Variants in BAZ1A observed in about 807,000 individuals in gnomAD.
The protein encoded by BAZ1A is bromodomain adjacent to zinc finger domain protein 1A.
A neutral mutation model predicts 185.2 loss-of-function variants in BAZ1A; 50 were observed. The ratio of observed to expected loss-of-function variants is 0.27; its 90% CI spans 0.22 to 0.34. The LOEUF (loss-of-function observed/expected upper bound fraction) is 0.34. Among genes scored for constraint, BAZ1A ranks in the 10% least tolerant of loss-of-function variants. The pLI is 1.00. For synonymous variants in BAZ1A, 571 were observed against 615.6 expected (o/e 0.93, Z 1.07); for missense variants, 1,356 against 1,839.9 (o/e 0.74, Z 4.81).
intron 4 of BAZ1A, among the ~76,000 whole-genome samples, chr14:34,824,305 T>A (rs1247538164): frequency 7.0e-6 from 1 of 143,848 alleles, no homozygotes; most frequent in Non-Finnish European, 1.5e-5. Flanking sequence ...GCCCAGAAGT[T>A]TGAAGCTGCA....
At chr14:34,758,880 C>T in intron 24 of BAZ1A, 34 bp from the exon 25 acceptor site, 2 of 1,605,034 alleles carry the variant, frequency 1.2e-6, no homozygotes, top group East Asian at 2.2e-5. Flanking sequence ...TAGGTGATAA[C>T]AAAGCAAAAT....
At chr14:34,816,850 G>A (rs761282831) in intron 4 of BAZ1A, 7 of 448,638 alleles carry the variant, frequency 1.6e-5, no homozygotes, top group Middle Eastern at 3.3e-4. Context: ...CTGTTAACAG[G>A]GGAAACCTGT....
chr14:34,843,788 C>T (rs577223276), intron 3 of BAZ1A, among the ~76,000 whole-genome samples: 6 of 152,314 alleles, frequency 3.9e-5, no homozygotes, highest in Admixed American at 6.5e-5. Flanking sequence ...GCATGCCATT[C>T]TCTGAGGTTT....
At chr14:34,804,755 C>A (rs1181766552) in intron 6 of BAZ1A, among the ~76,000 whole-genome samples, 1 of 152,178 alleles carries the variant, frequency 6.6e-6, no homozygotes, top group African/African-American at 2.4e-5. Context: ...TCAAATATCA[C>A]ACTCATAAAG....
chr14:34,766,545 T>A (rs1878853779), intron 21 of BAZ1A, among the ~76,000 whole-genome samples: 1 of 152,032 alleles, frequency 6.6e-6, no homozygotes, highest in East Asian at 1.9e-4. Flanking sequence ...CCCCTTCAAG[T>A]GTCAGAGTGG....
chr14:34,801,857 G>C (rs1032727911), intron 7 of BAZ1A, among the ~76,000 whole-genome samples: 1 of 148,200 alleles, frequency 6.7e-6, no homozygotes. Flanking sequence ...AGTGAGCCAA[G>C]ATCGTGCCAC....
intron 4 of BAZ1A, among the ~76,000 whole-genome samples, chr14:34,823,696 C>T (rs1167295357): frequency 6.6e-6 from 1 of 152,018 alleles, no homozygotes; most frequent in Non-Finnish European, 1.5e-5. Context: ...AAATGCTTAC[C>T]ATATTTAAAC....
rs1178382580 is a variant in BAZ1A, at chr14:34,826,144, C to A, written c.405G>T (p.Arg135Ser). 2.5e-6 allele frequency: 4 copies of A among 1,608,782 alleles called. No homozygotes were observed. The highest frequency in any genetic ancestry group is 3.4e-6 in the Non-Finnish European group (4 of 1,178,732). Reference sequence around the variant, plus strand: ...GTGATGGAGGGAGGACTTCCAAAATCCTACACTGCAACCTGAAATAAAATG... The same window carrying A: ...GTGATGGAGGGAGGACTTCCAAAATACTACACTGCAACCTGAAATAAAATG... ...IRNNGARLQC[R>S]ILEVLPPSHQ... The change falls in exon 4 of 27, where the codon AGG (arginine) becomes AGT (serine). Residue 135 changes from arginine (R) to serine (S), a missense_variant. Arg to Ser is a moderately radical substitution (Grantham distance 110, BLOSUM62 -1). This residue lies in a region of BAZ1A where 332 missense variants were observed against 395.3 expected (regional missense o/e 0.84). Coordinates refer to ENST00000360310, the MANE Select transcript of BAZ1A (RefSeq NM_013448.3).
chr14:34,817,729 C>G (rs982882241), intron 4 of BAZ1A, among the ~76,000 whole-genome samples: 1 of 152,134 alleles, frequency 6.6e-6, no homozygotes, highest in African/African-American at 2.4e-5. Flanking sequence ...GCCATAAGCA[C>G]ATGAAATGAT....
intron 15 of BAZ1A, 136 bp from the exon 16 acceptor site, chr14:34,783,368 C>CT (rs201307518): frequency 0.41 from 149,232 of 367,646 alleles, 21,525 homozygotes; most frequent in African/African-American, 0.51. Flanking sequence ...CATTCATAAG[C>CT]TTTTTTTTTT....
intron 4 of BAZ1A, among the ~76,000 whole-genome samples, chr14:34,824,959 A>C (rs975713639): frequency 1.3e-5 from 2 of 152,178 alleles, no homozygotes; most frequent in Non-Finnish European, 2.9e-5. Context: ...TGCTGAGCTA[A>C]AACATGTAAA....
chr14:34,762,352 G>A (rs570044580), intron 23 of BAZ1A, 129 bp from the exon 24 acceptor site: 48 of 794,504 alleles, frequency 6.0e-5, no homozygotes, highest in Non-Finnish European at 9.2e-5. Flanking sequence ...ACTTATCCTA[G>A]ACTCAATTCC....
chr14:34,826,173 C>T lies in BAZ1A; in HGVS notation c.393-17G>A. On this transcript the variant is annotated splice_polypyrimidine_tract_variant and intron_variant, in intron 3 of 26. Coordinates refer to ENST00000360310, the MANE Select transcript of BAZ1A (RefSeq NM_013448.3). ...CACTGCAACCTGAAATAAAATGATACATTTAAAAATGCAAATCATTTCATA... is the reference window on the plus strand; with the variant it reads ...CACTGCAACCTGAAATAAAATGATATATTTAAAAATGCAAATCATTTCATA... 1.2e-6 allele frequency: 2 copies of T among 1,603,716 alleles called. No individual in the cohort carries two copies. The highest frequency in any genetic ancestry group is 2.2e-5 in the East Asian group (1 of 44,728).
In BAZ1A at chr14:34,874,072, CG is replaced by C. The variant is rs1463433529; in HGVS notation, c.113+419del. ...ATTCCCTTCCCCGGCCCAGGGACTGCGGCCCCACGTCGCTGACCCTAGCGGG... is the reference window on the plus strand; with the variant it reads ...ATTCCCTTCCCCGGCCCAGGGACTGCGCCCCACGTCGCTGACCCTAGCGGG... On this transcript the variant is annotated intron_variant, in intron 2 of 26. Coordinates refer to ENST00000360310, the MANE Select transcript of BAZ1A (RefSeq NM_013448.3). This position sits in a 1 kb window ranked among gnomAD's most constrained non-coding sequence, Gnocchi z 4.7. 4.6e-5 allele frequency among the ~76,000 whole-genome samples: 7 copies of C among 152,168 alleles called. No homozygotes were observed. The highest frequency in any genetic ancestry group is 8.8e-5 in the Non-Finnish European group (6 of 68,012).
In BAZ1A at chr14:34,786,162, C is replaced by A; in HGVS notation, c.1570G>T (p.Ala524Ser). ...TGTGGCCATGCAGCTGCCAAAGATG[C>A]AACTGCAGACAGTGCAGATTTTGTG... The part of the protein sequence containing the change: ...DPTKSALSAV[A>S]SLAAAWPQLH... The change falls in exon 13 of 27, where the codon GCA becomes TCA. Residue 524 changes from alanine to serine, a missense_variant. Physicochemically the swap from Ala to Ser is moderately conservative, Grantham distance 99. This residue lies in a region of BAZ1A where 184 missense variants were observed against 355.1 expected (regional missense o/e 0.52). Coordinates refer to ENST00000360310, the MANE Select transcript of BAZ1A (RefSeq NM_013448.3). The A allele has an allele frequency of 6.2e-7, 1 of 1,612,656 alleles. No homozygotes were observed. Among genetic ancestry groups the A allele is most frequent in the Non-Finnish European group, 8.5e-7 (1 of 1,179,694 alleles).
intron 21 of BAZ1A, among the ~76,000 whole-genome samples, chr14:34,768,521 G>T (rs1879000250): frequency 6.6e-6 from 1 of 151,950 alleles, no homozygotes; most frequent in Non-Finnish European, 1.5e-5. Context: ...GGAAATGCTA[G>T]GAAGATACTA....
chr14:34,774,415 C>T lies in BAZ1A; in HGVS notation c.2909G>A (p.Cys970Tyr), dbSNP rs751377176. 1 of 1,613,680 alleles carries T rather than the reference C, an allele frequency of 6.2e-7. No individual in the cohort carries two copies. Among genetic ancestry groups the T allele is most frequent in the South Asian group, 1.1e-5 (1 of 91,014 alleles). ...CCTTAGTTCAAGTTGCTTTTCTGCA[C>T]ACATCTGAGATGGATCATATGCATT... ...SSNAYDPSQM[C>Y]AEKQLELRLR... Residue 970 changes from cysteine to tyrosine, a missense_variant, in exon 19 of 27, where the codon TGT becomes TAT. Physicochemically the swap from Cys to Tyr is radical, Grantham distance 194. This residue lies in a region of BAZ1A where 434 missense variants were observed against 561.7 expected (regional missense o/e 0.77). Transcript: ENST00000360310.
chr14:34,802,323 T>C (rs1881613734), intron 7 of BAZ1A, among the ~76,000 whole-genome samples: 1 of 152,138 alleles, frequency 6.6e-6, no homozygotes, highest in Non-Finnish European at 1.5e-5. Flanking sequence ...TCAGCCTCTG[T>C]CTGCCTCCCG....
intron 20 of BAZ1A, among the ~76,000 whole-genome samples, 190 bp from the exon 21 acceptor site, chr14:34,771,849 A>G (rs900714692): frequency 6.6e-6 from 1 of 152,110 alleles, no homozygotes; most frequent in African/African-American, 2.4e-5. Context: ...TTTGAAGGAG[A>G]GAAAGAAGAG....
Sources: allele counts gnomAD v4.1 joint callset (sites outside exome capture counted in the v4.1 genomes callset), GRCh38; gene constraint gnomAD v4.1.1; regional missense constraint gnomAD v4.1.1; non-coding constraint Gnocchi (gnomAD v3.1); transcripts MANE v1.5; gene names NCBI Gene and HGNC (gene_info 2026-07-23, HGNC 2026-07-21).